The following FLT4 variants were observed in gnomAD, a reference collection of about 807,000 sequenced individuals.
FLT4 encodes the protein fms related receptor tyrosine kinase 4, also known as vascular endothelial growth factor receptor 3.
A neutral mutation model predicts 163.2 loss-of-function variants in FLT4; 30 were observed. The ratio of observed to expected loss-of-function variants is 0.18; its 90% confidence interval spans 0.14 to 0.25. The LOEUF (loss-of-function observed/expected upper bound fraction) is 0.25. FLT4 is among the 10% of genes least tolerant of loss of function. The pLI is 1.00. For synonymous variants in FLT4, 884 were observed against 789.5 expected, an observed-to-expected ratio of 1.12 and a Z score of -2.01; for missense variants, 1,510 against 1,863.8, an observed-to-expected ratio of 0.81 and a Z score of 3.50.
At chr5:180,611,509 A>G (rs1198292973) in intron 26 of FLT4, 30 bp from the exon 27 acceptor site, 1 of 1,610,710 alleles carries the variant, frequency 6.2e-7, no homozygotes, top group Admixed American at 1.7e-5. Context: ...CAGCCAGGCC[A>G]GAAACCACCA....
intron 8 of FLT4, among the ~76,000 whole-genome samples, chr5:180,627,353 G>A (rs1581668565): frequency 6.6e-6 from 1 of 152,210 alleles, no homozygotes; most frequent in Non-Finnish European, 1.5e-5. Flanking sequence ...GGGCAGGGCA[G>A]GGGCGGAACT....
At chr5:180,621,503 A>C (rs762963195) in intron 13 of FLT4, 39 bp downstream of exon 13, 7 of 1,605,758 alleles carry the variant, frequency 4.4e-6, no homozygotes, top group Middle Eastern at 1.8e-4. Context: ...CTACTGCTAG[A>C]AGAGAGCGCG....
chr5:180,645,050 C>T (rs554923887), intron 1 of FLT4, among the ~76,000 whole-genome samples: 5 of 152,202 alleles, frequency 3.3e-5, no homozygotes, highest in South Asian at 4.2e-4. Context: ...TGGGTGGACG[C>T]GGGGCTAGGG....
At chr5:180,637,778 C>T (rs113100167) in intron 1 of FLT4, among the ~76,000 whole-genome samples, 3 of 152,326 alleles carry the variant, frequency 2.0e-5, no homozygotes, top group African/African-American at 7.2e-5. Flanking sequence ...GATCCACCTG[C>T]CTCGGCCTCT....
chr5:180,630,844 T>C lies in FLT4; in HGVS notation c.156-45A>G, dbSNP rs1384176965. ...GTCAGGTGGGCCCCAGGGCAGCCCA[T>C]GGGGACTGTCCCTGAGAAGCCTCCC... On this transcript the variant is annotated intron_variant, in intron 2 of 29. Coordinates refer to ENST00000261937, the MANE Select transcript of FLT4 (RefSeq NM_182925.5). This position sits in a 1 kb window ranked among gnomAD's most constrained non-coding sequence, Gnocchi z 6.3. 2.2e-5 allele frequency: 34 copies of C among 1,565,122 alleles called. No individual in the cohort carries two copies. The highest frequency in any genetic ancestry group is 5.4e-5 in the African/African-American group (4 of 74,066).
intron 23 of FLT4, among the ~76,000 whole-genome samples, chr5:180,615,144 C>T (rs998324952): frequency 1.4e-5 from 2 of 142,832 alleles, no homozygotes; most frequent in Non-Finnish European, 3.1e-5. Context: ...CGGAGCACTG[C>T]GGCCCCGCTG....
intron 13 of FLT4, 137 bp from the exon 14 acceptor site, chr5:180,621,389 C>T: frequency 7.1e-7 from 1 of 1,403,312 alleles, no homozygotes; most frequent in Admixed American, 2.3e-5. Flanking sequence ...GCGCGGCGCG[C>T]CTCCGCAGGG....
rs1222110064 is a variant in FLT4, at chr5:180,631,127, T to A, written c.156-328A>T. ...AGATGACCTGGGAGGTGGCCTGGGG[T>A]CAGTGTGAGGTGTCAGGAGTGGGGT... On this transcript the variant is annotated intron_variant, in intron 2 of 29. Transcript: ENST00000261937. Among the ~76,000 whole-genome samples the A allele has an allele frequency of 2.0e-5, 3 of 151,328 alleles. No individual in the cohort carries two copies. The East Asian group carries it at 5.9e-4, about 30-fold the overall frequency.
rs889537205 is a variant in FLT4, at chr5:180,604,964, G to A, written c.3894-1574C>T. On this transcript the variant is annotated intron_variant, in intron 29 of 29. Coordinates refer to ENST00000261937, the MANE Select transcript of FLT4 (RefSeq NM_182925.5). ...GCCCTGGTTTTAGAAAAGATTTATC[G>A]GGTTTTTTTCCCCCAAAATGGGGGC... Among the ~76,000 whole-genome samples the A allele has an allele frequency of 5.9e-5, 9 of 152,058 alleles. No homozygotes were observed. In the East Asian group the frequency reaches 7.7e-4, roughly 13 times the overall value.
chr5:180,612,923 T>A (rs1008984847), intron 25 of FLT4, 88 bp downstream of exon 25: 6 of 1,018,084 alleles, frequency 5.9e-6, no homozygotes, highest in Non-Finnish European at 9.0e-6. Flanking sequence ...TGGCCCTGGC[T>A]TCCCTGATGC....
chr5:180,608,790 C>T (rs1761950339), intron 29 of FLT4, among the ~76,000 whole-genome samples, 178 bp downstream of exon 29: 1 of 152,132 alleles, frequency 6.6e-6, no homozygotes, highest in Admixed American at 6.5e-5. Context: ...GGGAGGGGCT[C>T]CCGCGGTGCT....
chr5:180,607,279 G>A (rs183143737), intron 29 of FLT4, among the ~76,000 whole-genome samples: 71 of 152,286 alleles, frequency 4.7e-4, no homozygotes, highest in Non-Finnish European at 8.5e-4. Context: ...ATCCCAGCCT[G>A]TGGGCGAAGG....
intron 22 of FLT4, among the ~76,000 whole-genome samples, 162 bp from the exon 23 acceptor site, chr5:180,616,651 T>G (rs1004365693): frequency 6.6e-6 from 1 of 152,174 alleles, no homozygotes; most frequent in African/African-American, 2.4e-5. Context: ...GGACTCATCA[T>G]GGAGAGAGCT....
intron 26 of FLT4, 46 bp downstream of exon 26, chr5:180,612,447 CCAGGGACCCAGGG>C: frequency 7.7e-7 from 1 of 1,299,240 alleles, no homozygotes; most frequent in South Asian, 1.2e-5. Flanking sequence ...GCAGCTCGGG[CCAGGGACCCAGGG>C]CAGGGGCCAA....
At chr5:180,606,630 C>G (rs1197589343) in intron 29 of FLT4, among the ~76,000 whole-genome samples, 1 of 152,230 alleles carries the variant, frequency 6.6e-6, no homozygotes. Context: ...ACGTGGCGAT[C>G]ATTCTCTGTG....
chr5:180,609,719 G>A, intron 28 of FLT4, 186 bp downstream of exon 28: 1 of 688,484 alleles, frequency 1.5e-6, no homozygotes, highest in Non-Finnish European at 2.6e-6. Flanking sequence ...GCATAGGACA[G>A]AAAGCAGCTG....
Position 180,628,866 on chromosome 5 carries a change from G to A in FLT4, c.1103+16C>T. 3 of 1,565,544 alleles carry A rather than the reference G, an allele frequency of 1.9e-6. No homozygotes were observed. Among genetic ancestry groups the A allele is most frequent in the Non-Finnish European group, 2.6e-6 (3 of 1,144,708 alleles). On this transcript the variant is annotated intron_variant, in intron 8 of 29. Coordinates refer to ENST00000261937, the MANE Select transcript of FLT4 (RefSeq NM_182925.5). ...GAAGGGTATCGGCGGGGTCGGTGGGGAGCCAGGGCTGTTACCACTGGAACT... is the reference window on the plus strand; with the variant it reads ...GAAGGGTATCGGCGGGGTCGGTGGGAAGCCAGGGCTGTTACCACTGGAACT...
chr5:180,631,572 T>G, intron 2 of FLT4, 110 bp downstream of exon 2: 1 of 887,076 alleles, frequency 1.1e-6, no homozygotes, highest in Non-Finnish European at 1.9e-6. Context: ...GAGGCCACTC[T>G]GCCCTGACTC....
intron 23 of FLT4, among the ~76,000 whole-genome samples, chr5:180,615,105 G>A (rs879218162): frequency 6.6e-6 from 1 of 152,102 alleles, no homozygotes; most frequent in South Asian, 2.1e-4. Context: ...GCGGGGCAAA[G>A]ACAAGCTCCA....
Sources: gnomAD v4.1 joint callset for allele counts (sites outside exome capture counted in the v4.1 genomes callset) on GRCh38, gnomAD v4.1.1 for gene constraint, Gnocchi (gnomAD v3.1) non-coding constraint, MANE v1.5 for transcripts, NCBI Gene and HGNC (gene_info 2026-07-23, HGNC 2026-07-21) for gene names.